Variants in VWA3B observed in about 807,000 individuals in gnomAD.
VWA3B encodes von Willebrand factor A domain containing 3B.
A neutral mutation model predicts 158.3 loss-of-function variants in VWA3B; 138 were observed. That is an observed-to-expected ratio of 0.87 (90% CI 0.76 to 1.00). The LOEUF is 1.00. Ranked by LOEUF, VWA3B falls within the 50% of genes least tolerant of loss-of-function variation. VWA3B has a pLI of 0.00. For missense variants in VWA3B, 1,555 were observed against 1,565.1 expected (o/e 0.99, Z 0.11); for synonymous variants, 596 against 587.3 (o/e 1.01, Z -0.21).
intron 23 of VWA3B, chr2:98,291,973 G>T (rs1195597494): frequency 6.6e-6 from 1 of 151,302 alleles, no homozygotes; most frequent in Non-Finnish European, 1.5e-5. Flanking sequence ...GGCGGGTGTG[G>T]TGGGTCACAC....
rs542251691 is a variant in VWA3B at position 98,266,293 on chromosome 2, T to G, written c.2844-4389T>G. 3.2e-4 allele frequency among the ~76,000 whole-genome samples: 49 copies of G among 152,204 alleles called. No individual in the cohort carries two copies. The East Asian group carries it at 5.2e-3, about 16-fold the overall frequency. ...AGCCAGTTTTCCCAGCACCATTTAT[T>G]AAATAGGGAATCCTTTCCCCATTGC... is the stretch of plus-strand genomic sequence containing the variant. On this transcript the variant is annotated intron_variant, in intron 21 of 27. Coordinates refer to ENST00000477737, the MANE Select transcript of VWA3B (RefSeq NM_144992.5).
At chr2:98,163,151 A>G (rs574206973) in intron 8 of VWA3B, among the ~76,000 whole-genome samples, 175 bp downstream of exon 8, 2 of 152,076 alleles carry the variant, frequency 1.3e-5, no homozygotes, top group South Asian at 4.1e-4. Flanking sequence ...CTGAACACAC[A>G]TGCATGGACA....
intron 22 of VWA3B, among the ~76,000 whole-genome samples, chr2:98,285,867 G>A (rs903376756): frequency 2.6e-5 from 4 of 151,952 alleles, no homozygotes; most frequent in African/African-American, 9.7e-5. Context: ...ATCAGTTTAG[G>A]AACAAATGAC....
chr2:98,093,225 C>G lies in VWA3B; in HGVS notation c.133C>G (p.Leu45Val). 2 of 1,614,136 alleles carry G rather than the reference C, an allele frequency of 1.2e-6. No individual in the cohort carries two copies. The highest frequency in any genetic ancestry group is 1.7e-6 in the Non-Finnish European group (2 of 1,180,014). ...TGAGAAATGGCTTCAACTGCATGGG[C>G]TTAAGAGCAACAAATTGACCTTGAA... is the stretch of plus-strand genomic sequence containing the variant. ...SSEKWLQLHG[L>V]KSNKLTLKQI... Residue 45 changes from leucine to valine, a missense_variant, in exon 2 of 28, where the codon CTT becomes GTT. Transcript: ENST00000477737.
At chr2:98,192,823 T>C (rs1681704595) in intron 10 of VWA3B, 75 bp from the exon 11 acceptor site, 1 of 1,597,118 alleles carries the variant, frequency 6.3e-7, no homozygotes, top group Admixed American at 1.7e-5. Flanking sequence ...TGCAGATGCA[T>C]CGTTAAGTTC....
intron 7 of VWA3B, among the ~76,000 whole-genome samples, chr2:98,150,184 T>C (rs1172343798): frequency 6.6e-6 from 1 of 152,232 alleles, no homozygotes; most frequent in Non-Finnish European, 1.5e-5. Context: ...AATAGATGTA[T>C]CATCATGTAA....
At chr2:98,321,909 C>T in the VWA3B span, among the ~76,000 whole-genome samples, 2,162 of 152,244 alleles carry the variant, frequency 0.014, 45 homozygotes, top group African/African-American at 0.049. Context: ...TCCCACATGT[C>T]ATGGGAGGGA....
In VWA3B at chr2:98,313,048, G is replaced by C. The variant is rs867091922; in HGVS notation, c.*699G>C. 6.6e-6 allele frequency: 1 copy of C among 152,072 alleles called. No homozygotes were observed. Among genetic ancestry groups the C allele is most frequent in the Non-Finnish European group, 1.5e-5 (1 of 68,014 alleles). The allele number at this position is 152,072 out of a possible 1,614,324, so 9.4% of individuals were successfully genotyped here. Reference sequence around the variant, plus strand: ...GTTTACTAACTTCAAAAATGAAATCGCTCCATCAAATTTCGTTTTTCTAGT... The same window carrying C: ...GTTTACTAACTTCAAAAATGAAATCCCTCCATCAAATTTCGTTTTTCTAGT... On this transcript the variant is annotated 3_prime_UTR_variant, in exon 28 of 28. Coordinates refer to ENST00000477737, the MANE Select transcript of VWA3B (RefSeq NM_144992.5).
chr2:98,129,206 G>GGGGAGAGA lies in VWA3B; in HGVS notation c.872+799_872+800insGGAGAGAG, dbSNP rs1553640724. Among the ~76,000 whole-genome samples, 178 of 128,416 alleles carry GGGGAGAGA rather than the reference G, an allele frequency of 1.4e-3. 2 individuals carry two copies. Among genetic ancestry groups the GGGGAGAGA allele is most frequent in the African/African-American group, 5.4e-3 (160 of 29,560 alleles). The allele number at this position is 128,416 out of a possible 152,430, so 84.2% of individuals were successfully genotyped here. ...GGAGAGAGAGAGTGAGAGAGAGAGA[G>GGGGAGAGA]GAGAGAGAGAGAGAGAGAGTGTGTG... On this transcript the variant is annotated intron_variant, in intron 6 of 27. Coordinates refer to ENST00000477737, the MANE Select transcript of VWA3B (RefSeq NM_144992.5).
intron 12 of VWA3B, among the ~76,000 whole-genome samples, chr2:98,210,133 A>G (rs1683386896): frequency 6.6e-6 from 1 of 152,206 alleles, no homozygotes; most frequent in South Asian, 2.1e-4. Flanking sequence ...TTTATGATTA[A>G]CATTACTCCC....
At chr2:98,327,263 G>A in the VWA3B span, among the ~76,000 whole-genome samples, 19 of 151,376 alleles carry the variant, frequency 1.3e-4, no homozygotes, top group Admixed American at 2.6e-4. Context: ...ACTGCACTCC[G>A]GCCTGGGCAA....
chr2:98,215,010 G>A (rs1027268385), intron 13 of VWA3B, among the ~76,000 whole-genome samples: 12 of 152,222 alleles, frequency 7.9e-5, no homozygotes, highest in Middle Eastern at 3.4e-3. Context: ...AGTCCAGTAC[G>A]GACTTCTGAG....
chr2:98,171,915 G>A (rs796948511), intron 8 of VWA3B, among the ~76,000 whole-genome samples: 36 of 152,314 alleles, frequency 2.4e-4, no homozygotes, highest in African/African-American at 7.9e-4. Flanking sequence ...TGATGGGGGA[G>A]TGGCTCGCTT....
intron 8 of VWA3B, 63 bp from the exon 9 acceptor site, chr2:98,180,953 A>G (rs984114522): frequency 7.2e-6 from 11 of 1,519,420 alleles, no homozygotes; most frequent in African/African-American, 1.4e-5. Flanking sequence ...GTCAATATTA[A>G]GTTGGGGGTG....
chr2:98,133,744 C>A (rs1477080026), intron 6 of VWA3B, 80 bp from the exon 7 acceptor site: 2 of 1,220,572 alleles, frequency 1.6e-6, no homozygotes, highest in Non-Finnish European at 2.4e-6. Flanking sequence ...CCGAAGAGCA[C>A]GTTCAGTCCC....
At chr2:98,274,487 A>T (rs1326757952) in intron 22 of VWA3B, among the ~76,000 whole-genome samples, 1 of 152,180 alleles carries the variant, frequency 6.6e-6, no homozygotes, top group African/African-American at 2.4e-5. Flanking sequence ...AAGGATGCCT[A>T]GGAATTGGGG....
chr2:98,321,084 A>G, the VWA3B span, among the ~76,000 whole-genome samples: 1 of 152,344 alleles, frequency 6.6e-6, no homozygotes, highest in African/African-American at 2.4e-5. Flanking sequence ...AGGTCAGTGT[A>G]CAGCTCAGGC....
intron 9 of VWA3B, among the ~76,000 whole-genome samples, chr2:98,184,035 G>A (rs1386013808): frequency 6.6e-6 from 1 of 152,216 alleles, no homozygotes; most frequent in Non-Finnish European, 1.5e-5. Context: ...GAAAACAGTC[G>A]CGGGACCTGT....
At chr2:98,239,181 T>A (rs142303412) in intron 19 of VWA3B, among the ~76,000 whole-genome samples, 2 of 152,316 alleles carry the variant, frequency 1.3e-5, no homozygotes, top group Admixed American at 6.5e-5. Context: ...TAGGAATCTA[T>A]GTAAGGAAAT....
Sources: allele counts gnomAD v4.1 joint callset (sites outside exome capture counted in the v4.1 genomes callset), GRCh38; gene constraint gnomAD v4.1.1; transcripts MANE v1.5; gene names NCBI Gene and HGNC (gene_info 2026-07-23, HGNC 2026-07-21).